Variants in PCDHA1 observed in about 807,000 individuals in gnomAD.
PCDHA1 encodes protocadherin alpha-1.
A neutral mutation model predicts 61.3 loss-of-function variants in PCDHA1; 42 were observed. The observed-to-expected ratio is 0.69, with a 90% CI of 0.54 to 0.89. The LOEUF (loss-of-function observed/expected upper bound fraction) is 0.89. Ranked by LOEUF, PCDHA1 falls within the 40% of genes least tolerant of loss-of-function variation. PCDHA1 has a pLI of 0.00. For synonymous variants in PCDHA1, 610 were observed against 553.8 expected (o/e 1.10, Z -1.43); for missense variants, 1,256 against 1,235.3 (o/e 1.02, Z -0.25).
At chr5:140,828,117 T>C (rs923663233) in intron 1 of PCDHA1, 7 of 1,612,442 alleles carry the variant, frequency 4.3e-6, no homozygotes, top group Non-Finnish European at 5.9e-6. Context: ...GAGGATAGAT[T>C]GGGAAAGCAA....
At position 140,822,970 on chromosome 5, in the gene PCDHA1, A is replaced by C. The variant is rs2150120845; in HGVS notation, c.2394+34286A>C. 1.5e-5 allele frequency: 24 copies of C among 1,614,206 alleles called. No individual in the cohort carries two copies. The East Asian group carries it at 5.1e-4, about 34-fold the overall frequency. The stretch of plus-strand genomic sequence containing the variant: ...CCACGTTCCCTTCAAGCTGGTGTCC[A>C]CCTTCAAGAATTACTACTCGTTGGT... On this transcript the variant is annotated intron_variant, in intron 1 of 3. Transcript: ENST00000504120.
chr5:140,822,588 C>T (rs2150117602), intron 1 of PCDHA1: 1 of 1,609,664 alleles, frequency 6.2e-7, no homozygotes, highest in South Asian at 1.1e-5. Flanking sequence ...CAGATGAGGG[C>T]ATCAATAAGG....
Position 140,993,501 on chromosome 5 carries a change from C to CAT in PCDHA1, c.2542+10939_2542+10940insTA, listed in dbSNP as rs1159844142. Among the ~76,000 whole-genome samples the CAT allele has an allele frequency of 9.9e-4, 148 of 149,100 alleles. 5 individuals carry two copies. In the East Asian group the frequency reaches 0.024, roughly 24 times the overall value. On this transcript the variant is annotated intron_variant, in intron 3 of 3. Transcript: ENST00000504120. ...ACACACACACACACACACACACACA[C>CAT]ACACACACGGGGAGAGAGAGACAGA...
chr5:140,900,151 G>A lies in PCDHA1; in HGVS notation c.2395-78798G>A, dbSNP rs114795695. On this transcript the variant is annotated intron_variant, in intron 1 of 3. Coordinates refer to ENST00000504120, the MANE Select transcript of PCDHA1 (RefSeq NM_018900.4). ...GTACCACAAATAAGTAAGAACATAC[G>A]ATATTTGTCTTTCTGTGCCTGGTTT... is the stretch of plus-strand genomic sequence containing the variant. Among the ~76,000 whole-genome samples, 787 of 152,242 alleles carry A rather than the reference G, an allele frequency of 5.2e-3. 9 individuals carry two copies. Among genetic ancestry groups the A allele is most frequent in the African/African-American group, 0.018 (746 of 41,554 alleles).
intron 1 of PCDHA1, chr5:140,796,903 C>T: frequency 6.2e-7 from 1 of 1,613,958 alleles, no homozygotes. Context: ...TCGACACCGC[C>T]TACTCGTGCT....
intron 1 of PCDHA1, among the ~76,000 whole-genome samples, chr5:140,885,242 A>G (rs1481024816): frequency 6.6e-6 from 1 of 152,038 alleles, no homozygotes; most frequent in Non-Finnish European, 1.5e-5. Context: ...TCAATTTTTT[A>G]TTTGCATTCA....
At chr5:140,999,051 C>T (rs972072595) in intron 3 of PCDHA1, among the ~76,000 whole-genome samples, 6 of 152,196 alleles carry the variant, frequency 3.9e-5, no homozygotes, top group African/African-American at 9.7e-5. Flanking sequence ...TGCTTTCCAC[C>T]ATGCCTAAGT....
At chr5:140,883,609 C>T (rs2059699123) in intron 1 of PCDHA1, 1 of 1,614,032 alleles carries the variant, frequency 6.2e-7, no homozygotes, top group Non-Finnish European at 8.5e-7. Flanking sequence ...GGGTGGCCGA[C>T]GTGAACGACA....
intron 1 of PCDHA1, chr5:140,803,125 C>A: frequency 1.9e-6 from 3 of 1,613,798 alleles, no homozygotes; most frequent in South Asian, 1.1e-5. Flanking sequence ...GTGGACGCCC[C>A]GCGCCATCGC....
intron 1 of PCDHA1, chr5:140,848,245 A>G: frequency 2.2e-6 from 1 of 452,154 alleles, no homozygotes; most frequent in Non-Finnish European, 3.9e-6. Context: ...AGTTTTGCAG[A>G]ATAACTGTGA....
chr5:140,865,652 A>G (rs1413896571), intron 1 of PCDHA1: 1 of 152,206 alleles, frequency 6.6e-6, no homozygotes, highest in Non-Finnish European at 1.5e-5. Context: ...ACATTATTTC[A>G]TTTAATACTT....
rs1554177749 is a variant in PCDHA1 at position 140,883,345 on chromosome 5, C to T, written c.2394+94661C>T. The T allele has an allele frequency of 1.9e-6, 3 of 1,614,050 alleles. No homozygotes were observed. In the African/African-American group the frequency reaches 4.0e-5, roughly 22 times the overall value. On this transcript the variant is annotated intron_variant, in intron 1 of 3. Transcript: ENST00000504120. ...CCATCACTTCTTTGTCACTCCCCAT[C>T]AGAGAAGACACTCAGCCTAGCGCCA...
rs200253752 is a variant in PCDHA1, at chr5:140,890,259, T to TA, written c.2395-88690_2395-88689insA. ...TTTACCAGTACACTACTGCACCTGA[T>TA]TGCAAGCAAGAACCACTCAGTTGAG... On this transcript the variant is annotated intron_variant, in intron 1 of 3. Coordinates refer to ENST00000504120, the MANE Select transcript of PCDHA1 (RefSeq NM_018900.4). Among the ~76,000 whole-genome samples the TA allele has an allele frequency of 8.0e-3, 1,219 of 152,258 alleles. 6 individuals carry two copies. Among genetic ancestry groups the TA allele is most frequent in the African/African-American group, 0.019 (787 of 41,546 alleles).
intron 1 of PCDHA1, chr5:140,854,705 T>A (rs1409807504): frequency 2.7e-5 from 4 of 150,008 alleles, no homozygotes; most frequent in Non-Finnish European, 4.5e-5. Context: ...TTTCCTTTCT[T>A]GGAAAGACAG....
chr5:140,971,332 A>G (rs1229650076), intron 1 of PCDHA1, among the ~76,000 whole-genome samples: 3 of 152,242 alleles, frequency 2.0e-5, no homozygotes, highest in Non-Finnish European at 4.4e-5. Context: ...AAATTATTTC[A>G]GAAAGTGCTT....
Position 140,884,301 on chromosome 5 carries a change from C to T in PCDHA1, c.2395-94648C>T, listed in dbSNP as rs375535055. On this transcript the variant is annotated intron_variant, in intron 1 of 3. Transcript: ENST00000504120. ...GTGGAGAGCGGCCAAGCGCCACAGG[C>T]TTCGTCGAGGGCGTCGGCAGGCGCT... 4.3e-6 allele frequency: 7 copies of T among 1,613,608 alleles called. No homozygotes were observed. The African/African-American group carries it at 8.0e-5, about 18-fold the overall frequency.
At chr5:140,797,501 A>G in intron 1 of PCDHA1, 2 of 931,034 alleles carry the variant, frequency 2.1e-6, no homozygotes, top group Non-Finnish European at 3.2e-6. Flanking sequence ...AGATCAATTT[A>G]TTGCATTTAC....
rs781807025 is a variant in PCDHA1, at chr5:140,872,165, CTT to C, written c.2394+83492_2394+83493del. Among the ~76,000 whole-genome samples the C allele has an allele frequency of 5.6e-3, 809 of 144,322 alleles. 4 individuals are homozygous for C. Among genetic ancestry groups the C allele is most frequent in the Middle Eastern group, 0.014 (4 of 276 alleles). 94.7% of individuals were successfully genotyped at this position (144,322 alleles called of 152,430 possible). On this transcript the variant is annotated intron_variant, in intron 1 of 3. Transcript: ENST00000504120. The stretch of plus-strand genomic sequence containing the variant: ...CATTAGTATGACATGATTTACTTTT[CTT>C]TTTTTTTTTTACAGTGTTAAACGTT...
intron 1 of PCDHA1, chr5:140,856,046 A>G (rs781911942): frequency 1.3e-6 from 2 of 1,582,372 alleles, no homozygotes; most frequent in East Asian, 2.2e-5. Flanking sequence ...AGAGAAGGAT[A>G]AGATGGTTTC....
Sources: gnomAD v4.1 joint callset for allele counts (sites outside exome capture counted in the v4.1 genomes callset) on GRCh38, gnomAD v4.1.1 for gene constraint, MANE v1.5 for transcripts, NCBI Gene and HGNC (gene_info 2026-07-23, HGNC 2026-07-21) for gene names.